Variants in GMDS observed in about 807,000 individuals in gnomAD.
GMDS encodes GDP-mannose 4,6 dehydratase.
A neutral mutation model predicts 49.9 loss-of-function variants in GMDS; 20 were observed. The observed-to-expected ratio is 0.40, with a 90% CI of 0.28 to 0.58. The LOEUF (loss-of-function observed/expected upper bound fraction) is 0.58, where lower values mean the gene tolerates loss of function less well. Among genes scored for constraint, GMDS ranks in the 20% least tolerant of loss-of-function variants. GMDS has a pLI of 0.42. For missense variants in GMDS, 362 were observed against 481.4 expected (o/e 0.75, Z 2.32); for synonymous variants, 177 against 178.6 (o/e 0.99, Z 0.07).
chr6:2,079,774 G>A (rs1004384728), intron 4 of GMDS, among the ~76,000 whole-genome samples: 1 of 152,056 alleles, frequency 6.6e-6, no homozygotes, highest in African/African-American at 2.4e-5. Context: ...AATGTGCCAA[G>A]GAGAAGACTT....
At chr6:1,633,597 C>T (rs1396486536) in intron 9 of GMDS, among the ~76,000 whole-genome samples, 1 of 152,152 alleles carries the variant, frequency 6.6e-6, no homozygotes, top group Non-Finnish European at 1.5e-5. Context: ...ACAGAGGTCA[C>T]TGGATCAGAG....
chr6:2,117,570 G>C lies in GMDS; in HGVS notation c.148-14C>G. On this transcript the variant is annotated splice_polypyrimidine_tract_variant and intron_variant, in intron 2 of 10. Coordinates refer to ENST00000380815, the MANE Select transcript of GMDS (RefSeq NM_001500.4). ...AATTCCATGGACCTGAGTTTTTACAGTGTGGAAAGATAAATGTGCAATGAG... is the reference window on the plus strand; with the variant it reads ...AATTCCATGGACCTGAGTTTTTACACTGTGGAAAGATAAATGTGCAATGAG... 1 of 1,463,236 alleles carries C rather than the reference G, an allele frequency of 6.8e-7. No individual in the cohort carries two copies. Among genetic ancestry groups the C allele is most frequent in the South Asian group, 1.1e-5 (1 of 87,838 alleles). The allele number at this position is 1,463,236 out of a possible 1,614,324, so 90.6% of individuals were successfully genotyped here.
chr6:1,933,789 A>G (rs547612282), intron 6 of GMDS, among the ~76,000 whole-genome samples: 2 of 152,290 alleles, frequency 1.3e-5, no homozygotes, highest in South Asian at 4.1e-4. Context: ...CAGCTATATA[A>G]TTTGCAAAGA....
At chr6:1,771,779 C>G (rs1002879591) in intron 7 of GMDS, among the ~76,000 whole-genome samples, 7 of 152,302 alleles carry the variant, frequency 4.6e-5, no homozygotes, top group Admixed American at 3.3e-4. Context: ...CTGATATGTC[C>G]AGCCAGAAAA....
chr6:2,170,637 A>G (rs202180459), intron 1 of GMDS, among the ~76,000 whole-genome samples: 1 of 130,844 alleles, frequency 7.6e-6, no homozygotes, highest in Non-Finnish European at 1.6e-5. Context: ...AAAAAAAAAT[A>G]AAAAAAAAAA....
intron 1 of GMDS, among the ~76,000 whole-genome samples, chr6:2,160,708 T>G (rs1777355263): frequency 6.6e-6 from 1 of 152,056 alleles, no homozygotes; most frequent in Non-Finnish European, 1.5e-5. Context: ...GCTAATTTTT[T>G]GTAGAGATGG....
intron 1 of GMDS, among the ~76,000 whole-genome samples, chr6:2,166,807 C>G (rs1777692587): frequency 6.6e-6 from 1 of 152,182 alleles, no homozygotes; most frequent in African/African-American, 2.4e-5. Flanking sequence ...TCTCCCAGTT[C>G]CTCCAAGAGT....
intron 4 of GMDS, among the ~76,000 whole-genome samples, chr6:2,084,734 C>A (rs912607621): frequency 1.3e-5 from 2 of 152,142 alleles, no homozygotes; most frequent in Non-Finnish European, 2.9e-5. Flanking sequence ...GTCTCGATCT[C>A]CTGACCTTGT....
chr6:2,041,165 G>A (rs1311153954), intron 4 of GMDS, among the ~76,000 whole-genome samples: 1 of 152,074 alleles, frequency 6.6e-6, no homozygotes, highest in African/African-American at 2.4e-5. Context: ...ACAAATGCAT[G>A]TAAATATGTA....
intron 7 of GMDS, among the ~76,000 whole-genome samples, chr6:1,809,872 A>G (rs901268346): frequency 6.6e-6 from 1 of 152,226 alleles, no homozygotes; most frequent in Non-Finnish European, 1.5e-5. Flanking sequence ...ACGTTACAAT[A>G]CAACTCAGGT....
chr6:1,912,951 C>A (rs1015132056), intron 7 of GMDS, among the ~76,000 whole-genome samples: 2 of 152,194 alleles, frequency 1.3e-5, no homozygotes, highest in African/African-American at 4.8e-5. Flanking sequence ...TGAGACTGAC[C>A]TTACCTCTGC....
intron 4 of GMDS, among the ~76,000 whole-genome samples, chr6:1,962,564 G>A (rs1170555511): frequency 6.6e-6 from 1 of 152,104 alleles, no homozygotes; most frequent in Non-Finnish European, 1.5e-5. Context: ...ACTTGCTGTG[G>A]TCTTTTTTGT....
chr6:2,069,215 T>G (rs1199654434), intron 4 of GMDS, among the ~76,000 whole-genome samples: 1 of 152,180 alleles, frequency 6.6e-6, no homozygotes, highest in Non-Finnish European at 1.5e-5. Context: ...GCTAGCCCTA[T>G]GTAGAAAGCT....
At chr6:2,208,588 G>C (rs6926299) in intron 1 of GMDS, among the ~76,000 whole-genome samples, 55,735 of 152,012 alleles carry the variant, frequency 0.37, 10,990 homozygotes, top group East Asian at 0.78. Context: ...GCCCACATAT[G>C]TTAGATGCTT....
chr6:1,980,576 AG>A (rs1302292123), intron 4 of GMDS, among the ~76,000 whole-genome samples: 3 of 152,236 alleles, frequency 2.0e-5, no homozygotes, highest in Admixed American at 6.5e-5. Context: ...CTTCAAAAAA[AG>A]ACTTAGACTC....
At chr6:1,662,863 G>A (rs1464968467) in intron 9 of GMDS, among the ~76,000 whole-genome samples, 2 of 152,188 alleles carry the variant, frequency 1.3e-5, no homozygotes, top group Non-Finnish European at 1.5e-5. Flanking sequence ...CTTTGGGGAT[G>A]AATTAAAGTT....
chr6:2,244,179 C>T (rs1269687931), intron 1 of GMDS, among the ~76,000 whole-genome samples: 1 of 152,080 alleles, frequency 6.6e-6, no homozygotes, highest in Non-Finnish European at 1.5e-5. Context: ...CCACTTAGCC[C>T]TTTCTAACAC....
At chr6:1,958,134 T>C (rs553665688) in intron 6 of GMDS, among the ~76,000 whole-genome samples, 2,300 of 136,232 alleles carry the variant, frequency 0.017, 24 homozygotes, top group Middle Eastern at 0.064. Context: ...TTTTTTTTTT[T>C]AGTTAGTGGT....
chr6:1,720,243 C>G (rs979620730), intron 9 of GMDS, among the ~76,000 whole-genome samples: 1 of 151,932 alleles, frequency 6.6e-6, no homozygotes, highest in Non-Finnish European at 1.5e-5. Flanking sequence ...GGAGAGCAAC[C>G]GAGGAAAGAA....
Sources: gnomAD v4.1 joint callset for allele counts (sites outside exome capture counted in the v4.1 genomes callset) on GRCh38, gnomAD v4.1.1 for gene constraint, MANE v1.5 for transcripts, NCBI Gene and HGNC (gene_info 2026-07-23, HGNC 2026-07-21) for gene names.